PRDM16: variants seen among roughly 807,000 people sequenced by gnomAD.
PRDM16 encodes the protein PR/SET domain 16, also known as histone-lysine N-methyltransferase PRDM16.
Under a neutral mutation model 110.6 loss-of-function variants are expected in PRDM16, and 23 were observed. The observed-to-expected ratio is 0.21, with a 90% confidence interval of 0.15 to 0.29. The LOEUF (loss-of-function observed/expected upper bound fraction) is 0.29, where lower values mean the gene tolerates loss of function less well. Ranked by LOEUF, PRDM16 falls within the 10% of genes least tolerant of loss-of-function variation. PRDM16 has a pLI of 1.00. For missense variants in PRDM16, 1,615 were observed against 1,794.3 expected (o/e 0.90, Z 1.81); for synonymous variants, 799 against 781.8 (o/e 1.02, Z -0.37).
chr1:3,425,979 C>G lies in PRDM16; in HGVS notation c.3110-72C>G, dbSNP rs1371560460. The G allele has an allele frequency of 4.0e-6, 6 of 1,509,818 alleles. No homozygotes were observed. The highest frequency in any genetic ancestry group is 1.4e-5 in the African/African-American group (1 of 72,182). The allele number at this position is 1,509,818 out of a possible 1,614,324, so 93.5% of individuals were successfully genotyped here. On this transcript the variant is annotated intron_variant, in intron 13 of 16. Coordinates refer to ENST00000270722, the MANE Select transcript of PRDM16 (RefSeq NM_022114.4). This position sits in a 1 kb window ranked among gnomAD's most constrained non-coding sequence, Gnocchi z 6.9. Reference sequence around the variant, plus strand: ...AACAGCACCCCAGGTGTACCCCGTTCGCGGTTGGTTTGCCCCACGGAGGGA... The same window carrying G: ...AACAGCACCCCAGGTGTACCCCGTTGGCGGTTGGTTTGCCCCACGGAGGGA...
At chr1:3,324,237 G>T (rs1349487392) in intron 3 of PRDM16, among the ~76,000 whole-genome samples, 1 of 152,080 alleles carries the variant, frequency 6.6e-6, no homozygotes, top group African/African-American at 2.4e-5. Context: ...GTGGGGCCTG[G>T]GGCACTAGGA....
At position 3,153,534 on chromosome 1, in the gene PRDM16, A is replaced by C. The variant is rs187194282; in HGVS notation, c.38-32591A>C. Among the ~76,000 whole-genome samples, 237 of 152,362 alleles carry C rather than the reference A, an allele frequency of 1.6e-3. 2 individuals are homozygous for C. Among genetic ancestry groups the C allele is most frequent in the Admixed American group, 9.8e-3 (150 of 15,308 alleles). On this transcript the variant is annotated intron_variant, in intron 1 of 16. Coordinates refer to ENST00000270722, the MANE Select transcript of PRDM16 (RefSeq NM_022114.4). Reference sequence around the variant, plus strand: ...CTGGAAGCAATCCATCATGTGCTGCAGGAGAAACGGGGCAAGGACAATTGC... The same window carrying C: ...CTGGAAGCAATCCATCATGTGCTGCCGGAGAAACGGGGCAAGGACAATTGC...
chr1:3,315,875 TGA>T (rs1459993646), intron 3 of PRDM16, among the ~76,000 whole-genome samples: 1 of 152,034 alleles, frequency 6.6e-6, no homozygotes, highest in Non-Finnish European at 1.5e-5. Flanking sequence ...CCGGGATGAA[TGA>T]GGTGGGGGTG....
intron 1 of PRDM16, among the ~76,000 whole-genome samples, chr1:3,130,584 A>G (rs1047306141): frequency 8.5e-5 from 13 of 152,114 alleles, no homozygotes; most frequent in African/African-American, 3.1e-4. Context: ...ACACTGCTGG[A>G]CTTCAGGGGA....
intron 1 of PRDM16, among the ~76,000 whole-genome samples, chr1:3,086,797 G>T (rs953081197): frequency 1.3e-5 from 2 of 152,162 alleles, no homozygotes; most frequent in African/African-American, 4.8e-5. Context: ...TTTTTGTGGA[G>T]CATGCCGTTA....
At chr1:3,377,386 G>A (rs992880290) in intron 3 of PRDM16, among the ~76,000 whole-genome samples, 13 of 152,240 alleles carry the variant, frequency 8.5e-5, no homozygotes, top group African/African-American at 1.2e-4. Context: ...CGGGGCCGGC[G>A]GCTGGCCATG....
intron 1 of PRDM16, among the ~76,000 whole-genome samples, chr1:3,151,621 G>A (rs1038194851): frequency 6.6e-6 from 1 of 152,250 alleles, no homozygotes; most frequent in Non-Finnish European, 1.5e-5. Context: ...CTGGGGCAGA[G>A]GCCAGCGTCG....
At chr1:3,088,320 G>T (rs1642196085) in intron 1 of PRDM16, among the ~76,000 whole-genome samples, 1 of 151,696 alleles carries the variant, frequency 6.6e-6, no homozygotes, top group Non-Finnish European at 1.5e-5. Flanking sequence ...TCCTCAAACC[G>T]CCTTTCCCTT....
intron 1 of PRDM16, among the ~76,000 whole-genome samples, chr1:3,109,129 C>T (rs1642730795): frequency 6.7e-6 from 1 of 149,044 alleles, no homozygotes; most frequent in Non-Finnish European, 1.5e-5. Flanking sequence ...CAAACAAAAT[C>T]ACATATTTTG....
rs1156786866 is a variant in PRDM16, at chr1:3,208,130, T to C, written c.387+21656T>C. On this transcript the variant is annotated intron_variant, in intron 2 of 16. Transcript: ENST00000270722. This position sits in a 1 kb window ranked among gnomAD's most constrained non-coding sequence, Gnocchi z 6.1. ...CTGCCCCGGCACCTCTGCATCCACA[T>C]GGCAGCTCCGTCTACAGCCCGAGGG... The C allele has an allele frequency of 2.6e-5, 4 of 152,416 alleles. No homozygotes were observed. The highest frequency in any genetic ancestry group is 9.7e-5 in the African/African-American group (4 of 41,450). The allele number at this position is 152,416 out of a possible 1,614,324, so 9.4% of individuals were successfully genotyped here.
chr1:3,169,428 GGGGT>G (rs1445492331), intron 1 of PRDM16, among the ~76,000 whole-genome samples: 2 of 152,156 alleles, frequency 1.3e-5, no homozygotes, highest in Non-Finnish European at 2.9e-5. Context: ...ATACCACACA[GGGGT>G]GGGAGTGCAG....
rs1206386820 is a variant in PRDM16, at chr1:3,425,067, C to A, written c.2940-514C>A. 6.4e-6 allele frequency: 1 copy of A among 156,782 alleles called. No homozygotes were observed. The highest frequency in any genetic ancestry group is 2.4e-5 in the African/African-American group (1 of 41,092). 9.7% of individuals were successfully genotyped at this position (156,782 alleles called of 1,614,324 possible). A position where few individuals can be genotyped will look rare whatever the true frequency, so the allele number is the denominator to read the frequency against. ...CCACAGAACAGTAGGAGGGTGAACG[C>A]CTGCTTGCTTTTTTTTTTTTTTTTT... is the stretch of plus-strand genomic sequence containing the variant. On this transcript the variant is annotated intron_variant, in intron 12 of 16. Transcript: ENST00000270722. The surrounding 1 kb of genome is among the most constrained non-coding windows in gnomAD (Gnocchi z 6.9).
intron 2 of PRDM16, among the ~76,000 whole-genome samples, chr1:3,242,848 A>G (rs1373693011): frequency 1.3e-5 from 2 of 152,222 alleles, no homozygotes; most frequent in Non-Finnish European, 2.9e-5. Flanking sequence ...ATCAGTTTCA[A>G]TCTTGGTTTC....
intron 3 of PRDM16, among the ~76,000 whole-genome samples, chr1:3,314,070 C>CCGGGGGG (rs1557600889): frequency 3.3e-5 from 3 of 89,656 alleles, no homozygotes; most frequent in African/African-American, 2.9e-4. Flanking sequence ...TCCTTCCCCA[C>CCGGGGGG]CGGGGGGGGG....
intron 1 of PRDM16, among the ~76,000 whole-genome samples, chr1:3,127,361 T>G (rs1361349421): frequency 1.3e-5 from 2 of 152,226 alleles, no homozygotes; most frequent in Admixed American, 1.3e-4. Context: ...TTGCTACATC[T>G]GATATCATCT....
Position 3,265,793 on chromosome 1 carries a change from C to T in PRDM16, c.438+21656C>T, listed in dbSNP as rs1267480625. 2.6e-5 allele frequency among the ~76,000 whole-genome samples: 4 copies of T among 152,132 alleles called. No individual in the cohort carries two copies. Among genetic ancestry groups the T allele is most frequent in the South Asian group, 2.1e-4 (1 of 4,824 alleles). Reference sequence around the variant, plus strand: ...CTGGCACCTCACGCTCTGTCCTCACCGCCCAGACCCTAGGAGCCCCCAGAC... The same window carrying T: ...CTGGCACCTCACGCTCTGTCCTCACTGCCCAGACCCTAGGAGCCCCCAGAC... On this transcript the variant is annotated intron_variant, in intron 3 of 16. Coordinates refer to ENST00000270722, the MANE Select transcript of PRDM16 (RefSeq NM_022114.4). This position sits in a 1 kb window ranked among gnomAD's most constrained non-coding sequence, Gnocchi z 4.5.
At chr1:3,355,293 G>A (rs372667431) in intron 3 of PRDM16, among the ~76,000 whole-genome samples, 43 of 152,272 alleles carry the variant, frequency 2.8e-4, no homozygotes, top group African/African-American at 9.6e-4. Context: ...TACAAAGTGA[G>A]AAGGGCCTAA....
intron 1 of PRDM16, among the ~76,000 whole-genome samples, chr1:3,163,723 T>C (rs1161699978): frequency 6.6e-6 from 1 of 152,144 alleles, no homozygotes; most frequent in Non-Finnish European, 1.5e-5. Flanking sequence ...CCCTAGTTTG[T>C]AGGAGCATCG....
chr1:3,114,385 GACGCGCACGC>G lies in PRDM16; in HGVS notation c.37+45098_37+45107del, dbSNP rs1270368872. Among the ~76,000 whole-genome samples, 38 of 117,424 alleles carry G rather than the reference GACGCGCACGC, an allele frequency of 3.2e-4. 1 individual carries two copies. Among genetic ancestry groups the G allele is most frequent in the African/African-American group, 9.2e-4 (27 of 29,302 alleles). 77.0% of individuals were successfully genotyped at this position (117,424 alleles called of 152,430 possible). On this transcript the variant is annotated intron_variant, in intron 1 of 16. Transcript: ENST00000270722. Reference sequence around the variant, plus strand: ...ACACGCACACACGCAGGTGTAAACAGACGCGCACGCACGCGCACACACACGCACACACATG... The same window carrying G: ...ACACGCACACACGCAGGTGTAAACAGACGCGCACACACACGCACACACATG...
Sources: allele counts gnomAD v4.1 joint callset (sites outside exome capture counted in the v4.1 genomes callset), GRCh38; gene constraint gnomAD v4.1.1; non-coding constraint Gnocchi (gnomAD v3.1); transcripts MANE v1.5; gene names NCBI Gene and HGNC (gene_info 2026-07-23, HGNC 2026-07-21).